Variants in LINGO2 observed in about 807,000 individuals in gnomAD.
LINGO2 encodes the protein leucine rich repeat and Ig domain containing 2, also known as leucine-rich repeat and immunoglobulin-like domain-containing nogo receptor-interacting protein 2.
Under a neutral mutation model 30.6 loss-of-function variants are expected in LINGO2, and 14 were observed. The observed-to-expected ratio is 0.46, with a 90% CI of 0.30 to 0.72. LINGO2 has a LOEUF of 0.72. Ranked by LOEUF, LINGO2 falls within the 30% of genes least tolerant of loss-of-function variation. The probability of loss-of-function intolerance (pLI) is 0.07; values close to 1 mark genes in which losing one functional copy is unlikely to be tolerated. For synonymous variants in LINGO2, 317 were observed against 288.5 expected (o/e 1.10, Z -1.00); for missense variants, 729 against 751.7 (o/e 0.97, Z 0.35).
chr9:28,886,587 C>T, the LINGO2 span, among the ~76,000 whole-genome samples: 1 of 152,080 alleles, frequency 6.6e-6, no homozygotes, highest in Non-Finnish European at 1.5e-5. Context: ...CACATAATTT[C>T]TTTTGTTGCT....
the LINGO2 span, among the ~76,000 whole-genome samples, chr9:28,925,782 CAAAT>C: frequency 1.3e-5 from 2 of 152,144 alleles, no homozygotes; most frequent in East Asian, 1.9e-4. Flanking sequence ...CTATAGAAGA[CAAAT>C]AAATTGCTTT....
At chr9:29,093,029 G>GTATATATATATATATATATATA in the LINGO2 span, among the ~76,000 whole-genome samples, 9 of 98,554 alleles carry the variant, frequency 9.1e-5, no homozygotes, top group African/African-American at 3.6e-4. Flanking sequence ...TAATGTGTGT[G>GTATATATATATATATATATATA]TATATATATA....
At chr9:29,102,282 C>T in the LINGO2 span, among the ~76,000 whole-genome samples, 2 of 152,104 alleles carry the variant, frequency 1.3e-5, no homozygotes, top group East Asian at 1.9e-4. Context: ...GGGGTTTCAC[C>T]GTAGTAGCCA....
At chr9:28,083,221 G>C (rs1358636812) in intron 4 of LINGO2, among the ~76,000 whole-genome samples, 4 of 152,202 alleles carry the variant, frequency 2.6e-5, no homozygotes, top group Non-Finnish European at 5.9e-5. Context: ...CAGGAAGCCT[G>C]AGTGTTTGCT....
At chr9:28,753,524 C>A in the LINGO2 span, among the ~76,000 whole-genome samples, 1 of 151,990 alleles carries the variant, frequency 6.6e-6, no homozygotes, top group Non-Finnish European at 1.5e-5. Flanking sequence ...TAAGCCTGAG[C>A]TGCTTACAAC....
intron 5 of LINGO2, among the ~76,000 whole-genome samples, chr9:27,993,071 A>T (rs545810448): frequency 4.1e-4 from 62 of 152,286 alleles, no homozygotes; most frequent in African/African-American, 1.4e-3. Flanking sequence ...GACGATGGTT[A>T]ATGCAAAATA....
chr9:28,773,366 GAA>G, the LINGO2 span, among the ~76,000 whole-genome samples: 1 of 132,230 alleles, frequency 7.6e-6, no homozygotes, highest in Non-Finnish European at 1.6e-5. Flanking sequence ...CTCCATCTCA[GAA>G]AAAAAAAAAA....
chr9:28,543,682 C>T (rs1821806160), intron 1 of LINGO2, among the ~76,000 whole-genome samples: 1 of 151,980 alleles, frequency 6.6e-6, no homozygotes, highest in African/African-American at 2.4e-5. Flanking sequence ...TAACCCTGAA[C>T]ACAAAACACT....
chr9:27,970,195 T>C (rs1368855155), intron 5 of LINGO2, among the ~76,000 whole-genome samples: 1 of 152,128 alleles, frequency 6.6e-6, no homozygotes, highest in African/African-American at 2.4e-5. Flanking sequence ...CTGTGTGTAG[T>C]AATGCTGGGC....
At chr9:28,859,482 A>C in the LINGO2 span, among the ~76,000 whole-genome samples, 25 of 152,228 alleles carry the variant, frequency 1.6e-4, no homozygotes, top group African/African-American at 5.5e-4. Context: ...CAGATTCCTC[A>C]TAGACAAAAT....
the LINGO2 span, among the ~76,000 whole-genome samples, chr9:29,051,242 T>C: frequency 6.6e-6 from 1 of 152,138 alleles, no homozygotes; most frequent in African/African-American, 2.4e-5. Context: ...CCCACTATTA[T>C]AGTATTGTAC....
the LINGO2 span, among the ~76,000 whole-genome samples, chr9:29,030,388 C>T: frequency 3.9e-5 from 6 of 152,066 alleles, no homozygotes; most frequent in African/African-American, 1.2e-4. Flanking sequence ...ACCCCTCATC[C>T]GGATTTCCCT....
At chr9:28,552,375 G>A (rs896509185) in intron 1 of LINGO2, among the ~76,000 whole-genome samples, 3 of 152,034 alleles carry the variant, frequency 2.0e-5, no homozygotes, top group African/African-American at 7.2e-5. Flanking sequence ...TAAATACTTT[G>A]TTGCATACTT....
intron 5 of LINGO2, among the ~76,000 whole-genome samples, chr9:28,010,563 G>T (rs1330595838): frequency 6.6e-6 from 1 of 152,196 alleles, no homozygotes; most frequent in Admixed American, 6.5e-5. Flanking sequence ...ATCCCACCCA[G>T]TCAGGTTTAT....
chr9:28,316,593 G>A (rs117230810), intron 3 of LINGO2, among the ~76,000 whole-genome samples: 4,765 of 152,232 alleles, frequency 0.031, 144 homozygotes, highest in South Asian at 0.094. Context: ...GTAAAATTGA[G>A]TTGTTTTAGG....
the LINGO2 span, among the ~76,000 whole-genome samples, chr9:28,863,132 A>C: frequency 6.6e-6 from 1 of 152,046 alleles, no homozygotes; most frequent in Non-Finnish European, 1.5e-5. Context: ...TGCCCACACC[A>C]ATGTTTTTCT....
At chr9:28,522,855 G>A (rs1820876377) in intron 1 of LINGO2, among the ~76,000 whole-genome samples, 1 of 151,774 alleles carries the variant, frequency 6.6e-6, no homozygotes, top group Non-Finnish European at 1.5e-5. Flanking sequence ...TTCCAGGCAA[G>A]AGGAAGGGAC....
At chr9:28,843,158 A>C in the LINGO2 span, among the ~76,000 whole-genome samples, 1 of 151,902 alleles carries the variant, frequency 6.6e-6, no homozygotes, top group Non-Finnish European at 1.5e-5. Context: ...CAATAACTTA[A>C]AATAAGACAG....
At chr9:28,705,845 C>G in the LINGO2 span, among the ~76,000 whole-genome samples, 1 of 152,130 alleles carries the variant, frequency 6.6e-6, no homozygotes, top group East Asian at 1.9e-4. Flanking sequence ...TTGTGATTCT[C>G]TATATCCAGT....
Sources: allele counts gnomAD v4.1 joint callset (sites outside exome capture counted in the v4.1 genomes callset), GRCh38; gene constraint gnomAD v4.1.1; transcripts MANE v1.5; gene names NCBI Gene and HGNC (gene_info 2026-07-23, HGNC 2026-07-21).